The following SLIT1 variants were observed in gnomAD, a reference collection of about 807,000 sequenced individuals.
SLIT1 encodes the protein slit guidance ligand 1.
Under a neutral mutation model 186.1 loss-of-function variants are expected in SLIT1, and 66 were observed. The ratio of observed to expected loss-of-function variants is 0.35; its 90% CI spans 0.29 to 0.44. The LOEUF is 0.44. Among genes scored for constraint, SLIT1 ranks in the 20% least tolerant of loss-of-function variants. The probability of loss-of-function intolerance (pLI) is 1.00; values close to 1 mark genes in which losing one functional copy is unlikely to be tolerated. For synonymous variants in SLIT1, 761 were observed against 833.8 expected (o/e 0.91, Z 1.50); for missense variants, 1,638 against 2,037.4 (o/e 0.80, Z 3.77).
intron 13 of SLIT1, among the ~76,000 whole-genome samples, chr10:97,053,572 C>A (rs1394158367): frequency 6.6e-6 from 1 of 152,136 alleles, no homozygotes; most frequent in African/African-American, 2.4e-5. Context: ...AGAGCACTGC[C>A]TGGCATAGAC....
rs1162773617 is a variant in SLIT1 at position 97,062,729 on chromosome 10, A to C, written c.793+726T>G. Among the ~76,000 whole-genome samples the C allele has an allele frequency of 2.6e-5, 4 of 152,216 alleles. No homozygotes were observed. The East Asian group carries it at 7.7e-4, about 29-fold the overall frequency. ...GGGGGAGCTGCAGGCAGCAGGAGGC[A>C]GGGGAGGCAGCGGTGGCCCTGGCCA... is the stretch of plus-strand genomic sequence containing the variant. On this transcript the variant is annotated intron_variant, in intron 8 of 36. Coordinates refer to ENST00000266058, the MANE Select transcript of SLIT1 (RefSeq NM_003061.3).
At chr10:97,059,438 A>T (rs1848871189) in intron 11 of SLIT1, 22 bp downstream of exon 11, 1 of 1,608,276 alleles carries the variant, frequency 6.2e-7, no homozygotes, top group South Asian at 1.1e-5. Context: ...GCCACTGAGG[A>T]AGCCTTGGCA....
chr10:97,109,548 C>G (rs1433575970), intron 4 of SLIT1, among the ~76,000 whole-genome samples: 1 of 152,188 alleles, frequency 6.6e-6, no homozygotes, highest in Non-Finnish European at 1.5e-5. Flanking sequence ...GCATCTCTTG[C>G]TCTCTCTAAC....
At position 97,066,077 on chromosome 10, in the gene SLIT1, A is replaced by G; in HGVS notation, c.423T>C (p.Ser141=). Residue 141 remains serine (S), a synonymous_variant, in exon 5 of 37, where the codon AGT becomes AGC. Coordinates refer to ENST00000266058, the MANE Select transcript of SLIT1 (RefSeq NM_003061.3). The stretch of plus-strand genomic sequence containing the variant: ...TGGGGATGGCCTGGATGGCGTTCTC[A>G]CTCAAGTCCCTGGGAGGATAAAGCC... ...NNQALSRLDL[S]ENAIQAIPRK... The G allele has an allele frequency of 6.2e-7, 1 of 1,602,952 alleles. No homozygotes were observed. The highest frequency in any genetic ancestry group is 8.5e-7 in the Non-Finnish European group (1 of 1,173,582).
At chr10:97,148,315 G>T (rs373208954) in intron 4 of SLIT1, among the ~76,000 whole-genome samples, 1 of 150,578 alleles carries the variant, frequency 6.6e-6, no homozygotes, top group Non-Finnish European at 1.5e-5. Context: ...CTGAGGCAGG[G>T]TCTCGCTCTG....
chr10:97,032,188 A>G (rs114882460), intron 23 of SLIT1, among the ~76,000 whole-genome samples: 6,028 of 152,290 alleles, frequency 0.04, 406 homozygotes, highest in African/African-American at 0.14. Context: ...TGTGACAGTG[A>G]GGAAGGTGCT....
chr10:97,123,030 A>G (rs139295154), intron 4 of SLIT1, among the ~76,000 whole-genome samples: 4 of 152,354 alleles, frequency 2.6e-5, no homozygotes, highest in African/African-American at 9.6e-5. Context: ...AGCCCTGCAC[A>G]GGGGGCCTTC....
At chr10:97,119,620 C>A (rs1425265221) in intron 4 of SLIT1, among the ~76,000 whole-genome samples, 1 of 151,706 alleles carries the variant, frequency 6.6e-6, no homozygotes, top group African/African-American at 2.4e-5. Context: ...CAGGAGACGG[C>A]GCCTTGGGTT....
chr10:97,131,472 A>T (rs1252495842), intron 4 of SLIT1, among the ~76,000 whole-genome samples: 1 of 152,222 alleles, frequency 6.6e-6, no homozygotes, highest in African/African-American at 2.4e-5. Context: ...TGCCTCTGCC[A>T]GCCATGCTGG....
At chr10:97,074,784 C>T (rs900910033) in intron 4 of SLIT1, among the ~76,000 whole-genome samples, 2 of 152,268 alleles carry the variant, frequency 1.3e-5, no homozygotes, top group Non-Finnish European at 2.9e-5. Flanking sequence ...CATCCCCAGG[C>T]ACCCTGCTCT....
intron 13 of SLIT1, among the ~76,000 whole-genome samples, chr10:97,051,539 C>T (rs4917755): frequency 0.12 from 18,037 of 149,088 alleles, 1,228 homozygotes; most frequent in South Asian, 0.17. Flanking sequence ...ATGTCGGGCG[C>T]GGTGGCTCAC....
intron 25 of SLIT1, among the ~76,000 whole-genome samples, chr10:97,029,453 T>C (rs1314291677): frequency 6.6e-6 from 1 of 152,138 alleles, no homozygotes; most frequent in East Asian, 1.9e-4. Context: ...CAGTTGCACC[T>C]GAGGTGCCAG....
chr10:97,037,788 G>A (rs375198193), intron 21 of SLIT1, 22 bp from the exon 22 acceptor site: 20 of 1,588,354 alleles, frequency 1.3e-5, no homozygotes, highest in African/African-American at 6.7e-5. Context: ...ACACAGCGGC[G>A]TTAGTGCCCA....
At position 97,000,989 on chromosome 10, in the gene SLIT1, GC is replaced by G; in HGVS notation, c.*122del. 1 of 733,132 alleles carries G rather than the reference GC, an allele frequency of 1.4e-6. No homozygotes were observed. Among genetic ancestry groups the G allele is most frequent in the South Asian group, 1.8e-5 (1 of 55,404 alleles). 45.4% of individuals were successfully genotyped at this position (733,132 alleles called of 1,614,324 possible). ...CTCTGGCACCACCCCACCCAGGAGG[GC>G]CCAGCTGCCCAGGAGCCGTCCTGTG... On this transcript the variant is annotated 3_prime_UTR_variant, in exon 37 of 37. Coordinates refer to ENST00000266058, the MANE Select transcript of SLIT1 (RefSeq NM_003061.3).
intron 2 of SLIT1, among the ~76,000 whole-genome samples, chr10:97,164,306 A>ATTTCTC (rs1295069934): frequency 6.6e-6 from 1 of 151,940 alleles, no homozygotes; most frequent in East Asian, 1.9e-4. Flanking sequence ...GCCACCAGAT[A>ATTTCTC]TTTCTCTTTC....
At chr10:97,020,817 C>T (rs879145177) in intron 26 of SLIT1, among the ~76,000 whole-genome samples, 1 of 152,260 alleles carries the variant, frequency 6.6e-6, no homozygotes, top group Admixed American at 6.5e-5. Flanking sequence ...AAAGCCGGAA[C>T]CAGCCTCCAG....
intron 4 of SLIT1, among the ~76,000 whole-genome samples, chr10:97,074,451 A>C (rs1361416618): frequency 6.6e-6 from 1 of 152,202 alleles, no homozygotes; most frequent in Non-Finnish European, 1.5e-5. Context: ...CAGGCTGCAG[A>C]CCCAGTGAGA....
intron 31 of SLIT1, among the ~76,000 whole-genome samples, chr10:97,007,809 C>T (rs1848372985): frequency 6.6e-6 from 1 of 152,122 alleles, no homozygotes; most frequent in Non-Finnish European, 1.5e-5. Flanking sequence ...TAAAGGGCAC[C>T]TACAAAAAAC....
chr10:97,177,980 AAAACAAAC>A (rs546716820), intron 1 of SLIT1, among the ~76,000 whole-genome samples: 4 of 152,162 alleles, frequency 2.6e-5, no homozygotes, highest in Non-Finnish European at 5.9e-5. Flanking sequence ...CCATCTCAAA[AAAACAAAC>A]AAACAAACAA....
Sources: gnomAD v4.1 joint callset for allele counts (sites outside exome capture counted in the v4.1 genomes callset) on GRCh38, gnomAD v4.1.1 for gene constraint, MANE v1.5 for transcripts, NCBI Gene and HGNC (gene_info 2026-07-23, HGNC 2026-07-21) for gene names.